The following RYR2 variants were observed in gnomAD, a reference collection of about 807,000 sequenced individuals.
The protein encoded by RYR2 is cardiac muscle ryanodine receptor-calcium release channel.
Under a neutral mutation model 601.1 loss-of-function variants are expected in RYR2, and 227 were observed. That is an observed-to-expected ratio of 0.38 (90% confidence interval 0.34 to 0.42). The LOEUF (loss-of-function observed/expected upper bound fraction) is 0.42. Ranked by LOEUF, RYR2 falls within the 10% of genes least tolerant of loss-of-function variation. The pLI, the probability that RYR2 is intolerant of heterozygous loss-of-function variation, is 1.00. For synonymous variants in RYR2, 2,223 were observed against 2,175.1 expected (o/e 1.02, Z -0.61); for missense variants, 4,646 against 6,156.5 (o/e 0.75, Z 8.21).
At chr1:237,404,036 T>G (rs1703639654) in intron 10 of RYR2, among the ~76,000 whole-genome samples, 1 of 152,150 alleles carries the variant, frequency 6.6e-6, no homozygotes, top group Admixed American at 6.5e-5. Flanking sequence ...GGTGGATTGC[T>G]CCAGTCTAGG....
intron 24 of RYR2, among the ~76,000 whole-genome samples, chr1:237,525,849 G>A (rs1465978976): frequency 6.6e-6 from 1 of 151,958 alleles, no homozygotes. Flanking sequence ...GTATGGTGGT[G>A]AGCACCTGTA....
intron 16 of RYR2, among the ~76,000 whole-genome samples, chr1:237,468,010 C>G (rs1054308306): frequency 3.3e-5 from 5 of 152,044 alleles, no homozygotes; most frequent in Admixed American, 6.5e-5. Flanking sequence ...AGGCGCCCAC[C>G]ACCATGCCTG....
intron 12 of RYR2, among the ~76,000 whole-genome samples, chr1:237,427,995 A>C (rs1217486709): frequency 6.6e-6 from 1 of 152,068 alleles, no homozygotes; most frequent in Non-Finnish European, 1.5e-5. Flanking sequence ...AAGAAACATG[A>C]AAAAAAGCTC....
intron 94 of RYR2, 26 bp downstream of exon 94, chr1:237,792,349 CTGTGTGTGTGTGTGTGTGTG>C: frequency 2.8e-6 from 2 of 704,944 alleles, no homozygotes; most frequent in Admixed American, 2.7e-5. Context: ...ACCAAGGTAC[CTGTGTGTGTGTGTGTGTGTG>C]TGTGTGTGTG....
chr1:237,503,368 G>T lies in RYR2; in HGVS notation c.2476G>T (p.Val826Phe). The change falls in exon 22 of 105, where the codon GTT becomes TTT. Residue 826 changes from valine to phenylalanine, a missense_variant. Around this residue, in one of 17 missense-constraint regions of RYR2, gnomAD observed 1,807 missense variants for 2,088.1 expected, o/e 0.87. Coordinates refer to ENST00000366574, the MANE Select transcript of RYR2 (RefSeq NM_001035.3). ...PPGYAPCYEA[V>F]LPKEKLKVEH... ...TGGGTATGCTCCTTGTTATGAAGCT[G>T]TTCTGCCAAAAGAAAAGTTGAAAGT... The T allele has an allele frequency of 6.2e-7, 1 of 1,613,918 alleles. No individual in the cohort carries two copies. Among genetic ancestry groups the T allele is most frequent in the Middle Eastern group, 1.6e-4 (1 of 6,062 alleles).
Position 237,590,766 on chromosome 1 carries a change from G to T in RYR2, c.3934G>T (p.Glu1312Ter). ...CCTGAGCATGCCGATCGAGTGCGCG[G>T]AGGTCTTCTCCAAGACGGTGGCTGG... is the stretch of plus-strand genomic sequence containing the variant. Reference protein sequence around the residue: ...YRLSMPIECAEVFSKTVAGGL... With the variant: ...YRLSMPIECA The change falls in exon 31 of 105, where the codon GAG becomes TAG. Residue 1312 changes from glutamate (E) to a stop codon, truncating the protein, a stop_gained. Transcript: ENST00000366574. LOFTEE classifies it high-confidence loss of function. The T allele has an allele frequency of 6.2e-7, 1 of 1,613,892 alleles. No homozygotes were observed. Among genetic ancestry groups the T allele is most frequent in the Non-Finnish European group, 8.5e-7 (1 of 1,179,852 alleles).
chr1:237,574,682 G>A (rs563415802), intron 29 of RYR2, among the ~76,000 whole-genome samples: 5 of 152,242 alleles, frequency 3.3e-5, no homozygotes, highest in Non-Finnish European at 5.9e-5. Context: ...GTAACCTGCA[G>A]GCTGCTTCTG....
chr1:237,718,946 T>A (rs143437181), intron 73 of RYR2, among the ~76,000 whole-genome samples: 32 of 152,240 alleles, frequency 2.1e-4, no homozygotes, highest in African/African-American at 6.0e-4. Context: ...TTTTAGGGTC[T>A]TTTGGACGTA....
chr1:237,308,550 A>T (rs1694139974), intron 2 of RYR2, among the ~76,000 whole-genome samples: 1 of 149,864 alleles, frequency 6.7e-6, no homozygotes, highest in African/African-American at 2.5e-5. Context: ...CCTTGCGGTG[A>T]GTGTTACAGT....
chr1:237,560,404 A>C (rs1671331749), intron 27 of RYR2, among the ~76,000 whole-genome samples: 1 of 152,226 alleles, frequency 6.6e-6, no homozygotes, highest in Non-Finnish European at 1.5e-5. Context: ...AGTCTTACCG[A>C]TGGAATTTTC....
intron 54 of RYR2, among the ~76,000 whole-genome samples, chr1:237,659,527 C>T (rs1055616463): frequency 1.3e-5 from 2 of 152,160 alleles, no homozygotes; most frequent in Non-Finnish European, 2.9e-5. Context: ...GATGCATACT[C>T]TAGTTTTCCT....
chr1:237,634,737 T>C (rs1361258862), intron 43 of RYR2, among the ~76,000 whole-genome samples, 152 bp from the exon 44 acceptor site: 2 of 122,378 alleles, frequency 1.6e-5, no homozygotes, highest in Non-Finnish European at 3.4e-5. Flanking sequence ...CAATTCAAAA[T>C]ACGTAAAATT....
chr1:237,740,738 C>A (rs908144409), intron 79 of RYR2, among the ~76,000 whole-genome samples: 1 of 152,130 alleles, frequency 6.6e-6, no homozygotes, highest in Non-Finnish European at 1.5e-5. Context: ...AGAGAGTAAG[C>A]ATGCTTGTTA....
chr1:237,123,974 G>A (rs886151677), intron 1 of RYR2, among the ~76,000 whole-genome samples: 1 of 152,128 alleles, frequency 6.6e-6, no homozygotes, highest in Non-Finnish European at 1.5e-5. Context: ...CTGAATACAC[G>A]TTTAATGCTA....
chr1:237,810,743 A>G (rs1180380410), intron 100 of RYR2, among the ~76,000 whole-genome samples: 3 of 152,182 alleles, frequency 2.0e-5, no homozygotes, highest in Non-Finnish European at 4.4e-5. Context: ...ATAAATCCAT[A>G]ACAAGTATGC....
intron 29 of RYR2, among the ~76,000 whole-genome samples, chr1:237,580,772 G>A (rs1268096809): frequency 6.6e-6 from 1 of 152,146 alleles, no homozygotes; most frequent in Non-Finnish European, 1.5e-5. Context: ...AATCCAGTAT[G>A]GCTGGTGTCC....
Position 237,791,081 on chromosome 1 carries a change from C to T in RYR2, c.13477-348C>T, listed in dbSNP as rs137898862. On this transcript the variant is annotated intron_variant, in intron 92 of 104. Coordinates refer to ENST00000366574, the MANE Select transcript of RYR2 (RefSeq NM_001035.3). ...TTGCTCCCCGCTTGTGCATTCAGGC[C>T]TCTCTGTTCAAAGCTTACCTCCTGA... 4.6e-3 allele frequency among the ~76,000 whole-genome samples: 702 copies of T among 152,318 alleles called. 6 individuals are homozygous for T. The highest frequency in any genetic ancestry group is 0.016 in the African/African-American group (652 of 41,574).
At chr1:237,434,450 T>C (rs1004712046) in intron 12 of RYR2, among the ~76,000 whole-genome samples, 2 of 152,340 alleles carry the variant, frequency 1.3e-5, no homozygotes, top group African/African-American at 4.8e-5. Context: ...TAACGAAGAA[T>C]GCTATTTGAT....
intron 40 of RYR2, among the ~76,000 whole-genome samples, chr1:237,626,447 C>T (rs1285994845): frequency 2.0e-5 from 3 of 151,908 alleles, no homozygotes; most frequent in Non-Finnish European, 4.4e-5. Context: ...TTTTTTTTGA[C>T]TTACAACAGA....
Sources: gnomAD v4.1 joint callset for allele counts (sites outside exome capture counted in the v4.1 genomes callset) on GRCh38, gnomAD v4.1.1 for gene constraint, gnomAD v4.1.1 regional missense constraint, MANE v1.5 for transcripts, NCBI Gene and HGNC (gene_info 2026-07-23, HGNC 2026-07-21) for gene names.